The following ELMO1 variants were observed in gnomAD, a reference collection of about 807,000 sequenced individuals.
ELMO1 encodes the protein engulfment and cell motility protein 1.
ELMO1 carries 26 observed loss-of-function variants against 98.9 expected under a neutral mutation model. The observed-to-expected ratio is 0.26, with a 90% confidence interval of 0.19 to 0.36. ELMO1 has a LOEUF of 0.36. ELMO1 is among the 10% of genes least tolerant of loss of function. The probability of loss-of-function intolerance (pLI) is 1.00; values close to 1 mark genes in which losing one functional copy is unlikely to be tolerated. For synonymous variants in ELMO1, 346 were observed against 346.0 expected (o/e 1.00, Z 0.00); for missense variants, 627 against 935.2 (o/e 0.67, Z 4.30).
chr7:37,316,243 G>C (rs1348078940), intron 2 of ELMO1, among the ~76,000 whole-genome samples: 2 of 152,064 alleles, frequency 1.3e-5, no homozygotes, highest in African/African-American at 2.4e-5. Context: ...CTGAAATTAG[G>C]GTGAAAATAT....
At chr7:37,290,178 T>C (rs1012238155) in intron 4 of ELMO1, among the ~76,000 whole-genome samples, 2 of 152,196 alleles carry the variant, frequency 1.3e-5, no homozygotes, top group Admixed American at 6.5e-5. Context: ...TTAAGAGACA[T>C]ATACTGGGTG....
At chr7:37,194,829 A>G (rs1200457058) in intron 13 of ELMO1, among the ~76,000 whole-genome samples, 1 of 152,240 alleles carries the variant, frequency 6.6e-6, no homozygotes, top group East Asian at 1.9e-4. Context: ...GAAACACTTT[A>G]TAGTCTATTT....
rs1791494881 is a variant in ELMO1 at position 37,190,444 on chromosome 7, T to C, written c.1086+20942A>G. Among the ~76,000 whole-genome samples the C allele has an allele frequency of 3.3e-5, 5 of 152,342 alleles. No individual in the cohort carries two copies. The South Asian group carries it at 1.0e-3, about 32-fold the overall frequency. On this transcript the variant is annotated intron_variant, in intron 13 of 21. Coordinates refer to ENST00000310758, the MANE Select transcript of ELMO1 (RefSeq NM_014800.11). ...CTATCAGATGAAGCTAAGCATATAC[T>C]AAGATGACATCATAAACTATCCTAT...
intron 4 of ELMO1, among the ~76,000 whole-genome samples, chr7:37,288,242 G>C (rs1190707309): frequency 8.0e-6 from 1 of 124,250 alleles, no homozygotes; most frequent in African/African-American, 3.1e-5. Flanking sequence ...TTTTTTTTTT[G>C]AGATGGAGTT....
chr7:37,302,198 G>T (rs1037961995), intron 4 of ELMO1, among the ~76,000 whole-genome samples: 1 of 152,110 alleles, frequency 6.6e-6, no homozygotes, highest in African/African-American at 2.4e-5. Flanking sequence ...AGGCTGAAGT[G>T]CAGTGGCTAT....
At chr7:37,310,627 A>T (rs1326460238) in intron 4 of ELMO1, among the ~76,000 whole-genome samples, 1 of 152,192 alleles carries the variant, frequency 6.6e-6, no homozygotes, top group Non-Finnish European at 1.5e-5. Context: ...AACTTCCTGT[A>T]TTTATTGTTT....
intron 16 of ELMO1, among the ~76,000 whole-genome samples, chr7:36,897,350 G>GTGTGTGT (rs1806115077): frequency 7.6e-6 from 1 of 132,118 alleles, no homozygotes; most frequent in African/African-American, 3.0e-5. Context: ...GTGTGTGTGT[G>GTGTGTGT]AAAGAGTGTT....
intron 15 of ELMO1, among the ~76,000 whole-genome samples, chr7:37,029,242 T>G (rs1794747004): frequency 6.6e-6 from 1 of 152,216 alleles, no homozygotes; most frequent in South Asian, 2.1e-4. Context: ...GATGTGAATT[T>G]GCCCACAGTT....
chr7:37,231,185 A>G (rs536560782), intron 8 of ELMO1, among the ~76,000 whole-genome samples: 68 of 152,308 alleles, frequency 4.5e-4, no homozygotes, highest in African/African-American at 1.5e-3. Context: ...TGGGTTTCCA[A>G]TCAGCTCTTG....
intron 16 of ELMO1, among the ~76,000 whole-genome samples, chr7:36,911,109 G>A (rs1336428461): frequency 1.3e-5 from 2 of 152,120 alleles, no homozygotes; most frequent in Non-Finnish European, 2.9e-5. Flanking sequence ...CACCCACATG[G>A]TGCTGTGGAG....
intron 16 of ELMO1, among the ~76,000 whole-genome samples, chr7:36,927,376 G>C (rs757769576): frequency 2.6e-5 from 4 of 152,154 alleles, no homozygotes; most frequent in Non-Finnish European, 4.4e-5. Flanking sequence ...AATGCTTCTC[G>C]AACTTGTTGG....
At chr7:37,281,038 A>G (rs1377333042) in intron 4 of ELMO1, among the ~76,000 whole-genome samples, 2 of 149,942 alleles carry the variant, frequency 1.3e-5, no homozygotes, top group Admixed American at 1.3e-4. Flanking sequence ...CACACATATG[A>G]TGGAATACTA....
At chr7:37,430,916 G>A (rs1447453578) in intron 1 of ELMO1, among the ~76,000 whole-genome samples, 1 of 151,488 alleles carries the variant, frequency 6.6e-6, no homozygotes, top group African/African-American at 2.4e-5. Flanking sequence ...ATCCCACAAG[G>A]CAGCTCAGGG....
intron 5 of ELMO1, among the ~76,000 whole-genome samples, chr7:37,265,136 C>T (rs1388508592): frequency 6.6e-6 from 1 of 152,040 alleles, no homozygotes; most frequent in African/African-American, 2.4e-5. Flanking sequence ...GCCAGGAGTT[C>T]CTTCATCTTC....
At chr7:37,440,323 T>C (rs1430699112) in intron 1 of ELMO1, among the ~76,000 whole-genome samples, 3 of 151,854 alleles carry the variant, frequency 2.0e-5, no homozygotes, top group Admixed American at 2.0e-4. Context: ...GCACCTGTAG[T>C]CCCAGTTACT....
chr7:37,142,548 A>G (rs751868815), intron 13 of ELMO1, among the ~76,000 whole-genome samples: 5 of 152,242 alleles, frequency 3.3e-5, no homozygotes, highest in African/African-American at 7.2e-5. Flanking sequence ...ATATGTCTCA[A>G]CTATGTTTTG....
chr7:37,331,812 G>A (rs1800141228), intron 2 of ELMO1, among the ~76,000 whole-genome samples: 1 of 152,184 alleles, frequency 6.6e-6, no homozygotes, highest in African/African-American at 2.4e-5. Flanking sequence ...ACAACATGGT[G>A]TCAGCTTGAG....
chr7:36,872,985 TG>T (rs962460599), intron 19 of ELMO1, among the ~76,000 whole-genome samples: 3 of 152,140 alleles, frequency 2.0e-5, no homozygotes, highest in Admixed American at 2.0e-4. Flanking sequence ...TAGTCTGTCC[TG>T]GGGGGTGGTC....
chr7:37,266,534 G>A (rs1330962240), intron 5 of ELMO1, among the ~76,000 whole-genome samples: 1 of 151,994 alleles, frequency 6.6e-6, no homozygotes, highest in Non-Finnish European at 1.5e-5. Context: ...CCAAAAGAAG[G>A]CATAATGGTC....
Sources: allele counts gnomAD v4.1 joint callset (sites outside exome capture counted in the v4.1 genomes callset), GRCh38; gene constraint gnomAD v4.1.1; transcripts MANE v1.5; gene names NCBI Gene and HGNC (gene_info 2026-07-23, HGNC 2026-07-21).